The following MAF variants were observed in gnomAD, a reference collection of about 807,000 sequenced individuals.
MAF encodes MAF bZIP transcription factor.
A neutral mutation model predicts 22.0 loss-of-function variants in MAF; 10 were observed. The observed-to-expected ratio is 0.45, with a 90% CI of 0.28 to 0.77. The LOEUF is 0.77. Among genes scored for constraint, MAF ranks in the 30% least tolerant of loss-of-function variants. MAF has a pLI of 0.12. For missense variants in MAF, 544 were observed against 548.4 expected (o/e 0.99, Z 0.08); for synonymous variants, 337 against 255.8 (o/e 1.32, Z -3.03).
At chr16:79,581,529 G>T (rs541668557), downstream of MAF, among the ~76,000 whole-genome samples, 4 of 152,224 alleles carry the variant, frequency 2.6e-5, no homozygotes, top group East Asian at 7.7e-4. Flanking sequence ...CCAATTTAAA[G>T]GAAGAGCGAC....
At chr16:79,380,286 T>C in the MAF span, among the ~76,000 whole-genome samples, 6 of 152,212 alleles carry the variant, frequency 3.9e-5, no homozygotes, top group African/African-American at 1.4e-4. Flanking sequence ...AGTTTCTTCA[T>C]GTATAAGACA....
chr16:79,405,886 T>G, the MAF span, among the ~76,000 whole-genome samples: 1 of 152,306 alleles, frequency 6.6e-6, no homozygotes, highest in South Asian at 2.1e-4. Context: ...CCTCCCAGGC[T>G]TTCCCATTTC....
the MAF span, among the ~76,000 whole-genome samples, chr16:79,243,901 G>A: frequency 6.6e-6 from 1 of 152,120 alleles, no homozygotes; most frequent in Admixed American, 6.6e-5. Flanking sequence ...GGGATGCAAG[G>A]TTAGTTCAAC....
the MAF span, among the ~76,000 whole-genome samples, chr16:79,430,310 G>T: frequency 2.0e-5 from 3 of 152,216 alleles, no homozygotes; most frequent in South Asian, 6.2e-4. Flanking sequence ...AAGTCCTCAG[G>T]GCAGGGCTGC....
the MAF span, among the ~76,000 whole-genome samples, chr16:79,448,869 C>T: frequency 1.3e-5 from 2 of 152,126 alleles, no homozygotes; most frequent in African/African-American, 2.4e-5. Context: ...ATAATATTTT[C>T]CCAGACCTTG....
the MAF span, among the ~76,000 whole-genome samples, chr16:79,249,138 G>C: frequency 6.6e-6 from 1 of 152,124 alleles, no homozygotes; most frequent in African/African-American, 2.4e-5. Flanking sequence ...AAGAAGTTGA[G>C]GCCGGGTGCG....
chr16:79,236,826 A>G, the MAF span, among the ~76,000 whole-genome samples: 4 of 151,908 alleles, frequency 2.6e-5, no homozygotes, highest in Non-Finnish European at 5.9e-5. Flanking sequence ...CGATGACTCC[A>G]GGCCCTCCAG....
At chr16:79,293,986 TC>T in the MAF span, among the ~76,000 whole-genome samples, 2 of 152,124 alleles carry the variant, frequency 1.3e-5, no homozygotes, top group Non-Finnish European at 2.9e-5. Flanking sequence ...GGAGAGATTT[TC>T]CCCACAGATT....
chr16:79,398,726 A>G, the MAF span, among the ~76,000 whole-genome samples: 2 of 151,846 alleles, frequency 1.3e-5, no homozygotes, highest in Non-Finnish European at 1.5e-5. Context: ...TGAATGGCAA[A>G]TCTCCCACAT....
chr16:79,458,561 C>T, the MAF span, among the ~76,000 whole-genome samples: 4 of 152,120 alleles, frequency 2.6e-5, no homozygotes, highest in Non-Finnish European at 2.9e-5. Flanking sequence ...ATATCAGTGA[C>T]GACCAGCTCA....
chr16:79,413,875 C>T, the MAF span, among the ~76,000 whole-genome samples: 3 of 152,122 alleles, frequency 2.0e-5, no homozygotes, highest in African/African-American at 7.2e-5. Context: ...GAAAGATTGG[C>T]AAAAGTAGGC....
chr16:79,215,778 C>A, the MAF span, among the ~76,000 whole-genome samples: 1 of 152,216 alleles, frequency 6.6e-6, no homozygotes, highest in Admixed American at 6.5e-5. Context: ...AACCCCTCCA[C>A]AGCCTCTGCT....
At chr16:79,517,222 G>C in the MAF span, among the ~76,000 whole-genome samples, 1 of 152,116 alleles carries the variant, frequency 6.6e-6, no homozygotes, top group African/African-American at 2.4e-5. Context: ...CTCTGTTAGA[G>C]GAAAAAGCCC....
At chr16:79,590,879 C>G (rs1019139687), downstream of MAF, among the ~76,000 whole-genome samples, 1 of 152,090 alleles carries the variant, frequency 6.6e-6, no homozygotes, top group African/African-American at 2.4e-5. Flanking sequence ...GGATCCTCGG[C>G]CTGCTTTCCT....
chr16:79,327,647 T>C, the MAF span, among the ~76,000 whole-genome samples: 1 of 152,174 alleles, frequency 6.6e-6, no homozygotes, highest in Non-Finnish European at 1.5e-5. Context: ...GCGTTCTCTC[T>C]CTCTATCCAA....
chr16:79,222,206 T>C, the MAF span, among the ~76,000 whole-genome samples: 6 of 152,140 alleles, frequency 3.9e-5, no homozygotes, highest in Non-Finnish European at 7.4e-5. Context: ...GAAAAGAATT[T>C]TCAACCCAGG....
the MAF span, among the ~76,000 whole-genome samples, chr16:79,328,056 G>T: frequency 0.25 from 38,031 of 152,072 alleles, 5,097 homozygotes; most frequent in South Asian, 0.43. Flanking sequence ...TCCCAACCCT[G>T]TGAGTTGTAA....
chr16:79,390,122 C>T, the MAF span, among the ~76,000 whole-genome samples: 1 of 151,188 alleles, frequency 6.6e-6, no homozygotes, highest in African/African-American at 2.4e-5. Flanking sequence ...ATGGCATGTG[C>T]AAGTGTATTC....
At chr16:79,511,171 T>C in the MAF span, among the ~76,000 whole-genome samples, 2 of 152,284 alleles carry the variant, frequency 1.3e-5, no homozygotes, top group African/African-American at 2.4e-5. Flanking sequence ...TTGCCTTATT[T>C]ACCTTTTCTC....
Sources: gnomAD v4.1 joint callset for allele counts (sites outside exome capture counted in the v4.1 genomes callset) on GRCh38, gnomAD v4.1.1 for gene constraint, MANE v1.5 for transcripts, NCBI Gene and HGNC (gene_info 2026-07-23, HGNC 2026-07-21) for gene names.